Variants in PIGB observed in about 807,000 individuals in gnomAD.
The protein encoded by PIGB is phosphatidylinositol glycan anchor biosynthesis class B.
A neutral mutation model predicts 68.4 loss-of-function variants in PIGB; 58 were observed. The observed-to-expected ratio is 0.85, with a 90% CI of 0.69 to 1.06. PIGB has a LOEUF of 1.06. Ranked by LOEUF, PIGB falls within the 50% of genes least tolerant of loss-of-function variation. PIGB has a pLI of 0.00. For synonymous variants in PIGB, 219 were observed against 220.5 expected, an observed-to-expected ratio of 0.99 and a Z score of 0.06; for missense variants, 634 against 655.8, an observed-to-expected ratio of 0.97 and a Z score of 0.36.
At chr15:55,325,685 G>C (rs189311533) in intron 3 of PIGB, among the ~76,000 whole-genome samples, 1 of 152,296 alleles carries the variant, frequency 6.6e-6, no homozygotes, top group East Asian at 1.9e-4. Flanking sequence ...GGGAGGCTGA[G>C]GCGGGCAGAT....
intron 7 of PIGB, among the ~76,000 whole-genome samples, chr15:55,339,879 G>C (rs1427441372): frequency 6.6e-6 from 1 of 152,090 alleles, no homozygotes; most frequent in Non-Finnish European, 1.5e-5. Flanking sequence ...GGGTGAGAGA[G>C]GGGTGAGAAA....
rs1488762338 is a variant in PIGB at position 55,324,892 on chromosome 15, G to C, written c.418-2639G>C. On this transcript the variant is annotated intron_variant, in intron 3 of 11. Transcript: ENST00000164305. ...CAGGGCACAGTTTATGTGAAATTAA[G>C]TACTGGGTACCTTTAACTTTCCAAT... The C allele has an allele frequency of 4.2e-6, 3 of 710,386 alleles. No individual in the cohort carries two copies. In the East Asian group the frequency reaches 4.0e-4, roughly 94 times the overall value. The allele number at this position is 710,386 out of a possible 1,614,324, so 44.0% of individuals were successfully genotyped here. A position where few individuals can be genotyped will look rare whatever the true frequency, so the allele number is the denominator to read the frequency against.
intron 6 of PIGB, among the ~76,000 whole-genome samples, chr15:55,338,858 T>C (rs2055596916): frequency 6.6e-6 from 1 of 152,128 alleles, no homozygotes; most frequent in Admixed American, 6.6e-5. Context: ...TAATTGAACC[T>C]TCAGATGAAA....
intron 9 of PIGB, among the ~76,000 whole-genome samples, chr15:55,342,018 G>C (rs370273365): frequency 4.7e-4 from 71 of 152,258 alleles, no homozygotes; most frequent in African/African-American, 1.7e-3. Context: ...CTAGCCCAGT[G>C]CAGTGGTGTG....
At chr15:55,337,402 A>G (rs2141192759) in intron 6 of PIGB, among the ~76,000 whole-genome samples, 1 of 152,306 alleles carries the variant, frequency 6.6e-6, no homozygotes, top group East Asian at 1.9e-4. Flanking sequence ...GCAGGAGGTG[A>G]GCAAGCAAGC....
chr15:55,346,355 C>A (rs2055794596), intron 9 of PIGB: 1 of 152,080 alleles, frequency 6.6e-6, no homozygotes, highest in Non-Finnish European at 1.5e-5. Flanking sequence ...GATAGGAGCC[C>A]AGTGTATTTT....
intron 6 of PIGB, 66 bp from the exon 7 acceptor site, chr15:55,339,201 C>T: frequency 9.1e-7 from 1 of 1,104,638 alleles, no homozygotes; most frequent in Non-Finnish European, 1.3e-6. Context: ...CGTACAAAGC[C>T]ATATGCTAAT....
intron 10 of PIGB, among the ~76,000 whole-genome samples, chr15:55,352,280 A>AGTT (rs2055943354): frequency 6.6e-6 from 1 of 152,116 alleles, no homozygotes; most frequent in African/African-American, 2.4e-5. Flanking sequence ...TTTGGACATC[A>AGTT]GTTGTCTCAC....
chr15:55,349,646 A>G (rs1056550665), intron 9 of PIGB: 1 of 152,206 alleles, frequency 6.6e-6, no homozygotes, highest in Admixed American at 6.5e-5. Context: ...GACATGTGAT[A>G]TTCCAACTCA....
intron 6 of PIGB, among the ~76,000 whole-genome samples, chr15:55,336,997 A>C (rs562099005): frequency 6.6e-6 from 1 of 152,362 alleles, no homozygotes; most frequent in East Asian, 1.9e-4. Flanking sequence ...CTCAAAAATA[A>C]AACCTTACAT....
At chr15:55,321,252 T>C (rs1418311052) in intron 2 of PIGB, 21 bp from the exon 3 acceptor site, 1 of 1,554,682 alleles carries the variant, frequency 6.4e-7, no homozygotes, top group South Asian at 1.2e-5. Flanking sequence ...TTATTGGACA[T>C]TTACTCCTTA....
At chr15:55,336,375 T>C (rs1367680060) in intron 6 of PIGB, among the ~76,000 whole-genome samples, 2 of 151,886 alleles carry the variant, frequency 1.3e-5, no homozygotes, top group African/African-American at 2.4e-5. Context: ...GGAAACAGAG[T>C]GATAACCTGT....
In PIGB at chr15:55,355,350, T is replaced by C; in HGVS notation, c.1583T>C (p.Leu528Ser). Residue 528 changes from leucine to serine, a missense_variant, in exon 12 of 12, where the codon TTG becomes TCG. Physicochemically the swap from Leu to Ser is moderately radical, Grantham distance 145 (BLOSUM62 -2). Transcript: ENST00000164305. ...KRTAVFFHTHLPEGRIGSHIY... is the reference protein window; with the variant it reads ...KRTAVFFHTHSPEGRIGSHIY... ...ACTGCTGTTTTCTTCCACACTCACT[T>C]GCCAGAGGGTCGAATTGGAAGTCAC... 1 of 1,610,826 alleles carries C rather than the reference T, an allele frequency of 6.2e-7. No homozygotes were observed. The highest frequency in any genetic ancestry group is 8.5e-7 in the Non-Finnish European group (1 of 1,177,140).
chr15:55,324,950 G>T (rs564344113), intron 3 of PIGB: 10 of 306,546 alleles, frequency 3.3e-5, no homozygotes, highest in Non-Finnish European at 4.3e-5. Context: ...TGGACAAAAA[G>T]AAAATAAAGT....
At position 55,326,427 on chromosome 15, in the gene PIGB, C is replaced by A. The variant is rs929220795; in HGVS notation, c.418-1104C>A. ...TAACCTCTCTGTGCCTCAGTTTCCT[C>A]ATCTATAAAACAGTTCTTGACTCAG... On this transcript the variant is annotated intron_variant, in intron 3 of 11. Transcript: ENST00000164305. Among the ~76,000 whole-genome samples the A allele has an allele frequency of 2.0e-5, 3 of 152,214 alleles. No individual in the cohort carries two copies. The East Asian group carries it at 5.8e-4, about 29-fold the overall frequency.
chr15:55,340,925 CTTTT>C, intron 8 of PIGB, 102 bp downstream of exon 8: 2 of 728,588 alleles, frequency 2.7e-6, no homozygotes, highest in Non-Finnish European at 4.4e-6. Context: ...GTGCCATTAA[CTTTT>C]GTTAGTGGGA....
In PIGB at chr15:55,325,936, C is replaced by T. The variant is rs897695676; in HGVS notation, c.418-1595C>T. ...ATCTCGCTGGGCACGGTTGCTCACT[C>T]CTGTAATCCTAGCACGTTGGGAGGC... On this transcript the variant is annotated intron_variant, in intron 3 of 11. Transcript: ENST00000164305. Among the ~76,000 whole-genome samples the T allele has an allele frequency of 3.9e-5, 6 of 152,194 alleles. No homozygotes were observed. The South Asian group carries it at 8.3e-4, about 21-fold the overall frequency.
At chr15:55,352,385 C>T (rs2055945054) in intron 10 of PIGB, among the ~76,000 whole-genome samples, 1 of 152,146 alleles carries the variant, frequency 6.6e-6, no homozygotes, top group South Asian at 2.1e-4. Flanking sequence ...CTATGTATGG[C>T]CTTTAAAAAG....
chr15:55,320,531 C>T, intron 2 of PIGB, 121 bp downstream of exon 2: 1 of 780,642 alleles, frequency 1.3e-6, no homozygotes, highest in Non-Finnish European at 2.0e-6. Context: ...TCCAAAATCC[C>T]TAGTGGATGC....
Sources: gnomAD v4.1 joint callset for allele counts (sites outside exome capture counted in the v4.1 genomes callset) on GRCh38, gnomAD v4.1.1 for gene constraint, MANE v1.5 for transcripts, NCBI Gene and HGNC (gene_info 2026-07-23, HGNC 2026-07-21) for gene names.